The following CDH7 variants were observed in gnomAD, a reference collection of about 807,000 sequenced individuals.
CDH7 encodes cadherin 7.
CDH7 carries 25 observed loss-of-function variants against 71.8 expected under a neutral mutation model. The ratio of observed to expected loss-of-function variants is 0.35; its 90% CI spans 0.25 to 0.49. The LOEUF is 0.49. Among genes scored for constraint, CDH7 ranks in the 20% least tolerant of loss-of-function variants. CDH7 has a pLI of 0.99. For synonymous variants in CDH7, 381 were observed against 363.8 expected (o/e 1.05, Z -0.54); for missense variants, 862 against 974.6 (o/e 0.88, Z 1.54).
At chr18:65,834,145 A>C (rs891611322) in intron 6 of CDH7, among the ~76,000 whole-genome samples, 1 of 152,218 alleles carries the variant, frequency 6.6e-6, no homozygotes, top group African/African-American at 2.4e-5. Context: ...ATAATTGTAT[A>C]AGGAAGGTTA....
chr18:65,765,593 C>T (rs1226122815), intron 2 of CDH7, among the ~76,000 whole-genome samples: 2 of 151,590 alleles, frequency 1.3e-5, no homozygotes, highest in African/African-American at 2.4e-5. Context: ...AAAAAAAGAA[C>T]CTAATTAATC....
intron 2 of CDH7, among the ~76,000 whole-genome samples, chr18:65,785,984 G>A (rs565552010): frequency 2.6e-5 from 4 of 152,244 alleles, no homozygotes; most frequent in African/African-American, 4.8e-5. Flanking sequence ...TTGCACCTGC[G>A]TGTTTCCCGT....
chr18:65,875,686 A>G (rs1301459507), intron 11 of CDH7, among the ~76,000 whole-genome samples: 1 of 152,184 alleles, frequency 6.6e-6, no homozygotes, highest in Non-Finnish European at 1.5e-5. Flanking sequence ...TAAGGAGCTC[A>G]AGACCAGCCT....
chr18:65,837,608 A>T (rs183548619), intron 6 of CDH7, among the ~76,000 whole-genome samples: 185 of 152,250 alleles, frequency 1.2e-3, no homozygotes, highest in African/African-American at 4.4e-3. Context: ...TTTACATATT[A>T]AAAGGGCAGA....
chr18:65,845,269 T>C (rs1912896806), intron 7 of CDH7, among the ~76,000 whole-genome samples: 1 of 149,806 alleles, frequency 6.7e-6, no homozygotes. Context: ...AGAAAAATAG[T>C]TATTTAAAAA....
chr18:65,879,441 T>G (rs990460667), intron 11 of CDH7, among the ~76,000 whole-genome samples: 1 of 152,206 alleles, frequency 6.6e-6, no homozygotes, highest in Non-Finnish European at 1.5e-5. Context: ...TTCATTACTT[T>G]ACATATTTTT....
In CDH7 at chr18:65,884,315, G is replaced by A. The variant is rs1568237525; in HGVS notation, c.*3421G>A. The A allele has an allele frequency of 6.6e-6, 1 of 152,086 alleles. No individual in the cohort carries two copies. The highest frequency in any genetic ancestry group is 2.4e-5 in the African/African-American group (1 of 41,426). The allele number at this position is 152,086 out of a possible 1,614,324, so 9.4% of individuals were successfully genotyped here. On this transcript the variant is annotated 3_prime_UTR_variant, in exon 12 of 12. Transcript: ENST00000397968. ...GAAAGAGACATCAATAAAAAATTAG[G>A]TAGTAATTTGCAGGCAATAAGTAGA...
intron 7 of CDH7, among the ~76,000 whole-genome samples, chr18:65,851,919 G>A (rs1279334790): frequency 6.6e-6 from 1 of 152,158 alleles, no homozygotes; most frequent in East Asian, 1.9e-4. Flanking sequence ...CACACACCAT[G>A]CAGGTTTTCT....
chr18:65,774,237 A>G (rs961130824), intron 2 of CDH7, among the ~76,000 whole-genome samples: 2 of 152,024 alleles, frequency 1.3e-5, no homozygotes, highest in Non-Finnish European at 2.9e-5. Context: ...GAGGAAAACA[A>G]TCTAAGAAAA....
chr18:65,819,150 A>G (rs1911827226), intron 4 of CDH7, among the ~76,000 whole-genome samples: 1 of 152,136 alleles, frequency 6.6e-6, no homozygotes, highest in Admixed American at 6.5e-5. Context: ...CTATGGCAAC[A>G]ACTTGGAAGT....
At chr18:65,789,529 A>G (rs746568630) in intron 2 of CDH7, among the ~76,000 whole-genome samples, 1 of 151,700 alleles carries the variant, frequency 6.6e-6, no homozygotes, top group Non-Finnish European at 1.5e-5. Flanking sequence ...GCCAATTTGC[A>G]TTTTAGAAAC....
intron 4 of CDH7, among the ~76,000 whole-genome samples, 181 bp downstream of exon 4, chr18:65,814,785 T>C (rs1911666545): frequency 6.6e-6 from 1 of 152,208 alleles, no homozygotes; most frequent in Admixed American, 6.5e-5. Context: ...TATTTTATTT[T>C]ATTCATCAGT....
intron 1 of CDH7, among the ~76,000 whole-genome samples, chr18:65,760,337 C>A (rs1403709003): frequency 6.6e-6 from 1 of 152,036 alleles, no homozygotes; most frequent in African/African-American, 2.4e-5. Flanking sequence ...ACATGACTGA[C>A]CCAGAATTTG....
rs576735271 is a variant in CDH7 at position 65,883,821 on chromosome 18, A to G, written c.*2927A>G. On this transcript the variant is annotated 3_prime_UTR_variant, in exon 12 of 12. Coordinates refer to ENST00000397968, the MANE Select transcript of CDH7 (RefSeq NM_004361.5). ...TAAAATAATGACATGAAAGGAATTT[A>G]TGCTATATTTTACTACTAAATAACA... 1.1e-4 allele frequency: 17 copies of G among 152,270 alleles called. No individual in the cohort carries two copies. Among genetic ancestry groups the G allele is most frequent in the African/African-American group, 3.6e-4 (15 of 41,590 alleles). 9.4% of individuals were successfully genotyped at this position (152,270 alleles called of 1,614,324 possible).
intron 7 of CDH7, among the ~76,000 whole-genome samples, chr18:65,851,758 A>G (rs571569894): frequency 6.6e-6 from 1 of 152,350 alleles, no homozygotes; most frequent in East Asian, 1.9e-4. Context: ...TTTCTCATTG[A>G]ACAAATGAAG....
At chr18:65,856,949 T>C (rs975614029) in intron 7 of CDH7, among the ~76,000 whole-genome samples, 50 of 151,472 alleles carry the variant, frequency 3.3e-4, no homozygotes, top group African/African-American at 1.2e-3. Context: ...AAAATAGCCA[T>C]GCAATCTCAG....
rs1244082101 is a variant in CDH7 at position 65,878,199 on chromosome 18, G to A, written c.1865-2202G>A. Among the ~76,000 whole-genome samples, 5 of 152,024 alleles carry A rather than the reference G, an allele frequency of 3.3e-5. No individual in the cohort carries two copies. In the East Asian group the frequency reaches 9.6e-4, roughly 29 times the overall value. On this transcript the variant is annotated intron_variant, in intron 11 of 11. Coordinates refer to ENST00000397968, the MANE Select transcript of CDH7 (RefSeq NM_004361.5). ...TTCCCATTTAATCTTTGGTACATAT[G>A]CCTAGCCATATATGGTACACTTTCT...
In CDH7 at chr18:65,804,903, A is replaced by G. The variant is rs144039508; in HGVS notation, c.211-4801A>G. 2.0e-5 allele frequency among the ~76,000 whole-genome samples: 3 copies of G among 152,234 alleles called. No individual in the cohort carries two copies. In the East Asian group the frequency reaches 5.8e-4, roughly 29 times the overall value. ...ATGAGCAACAAAGCAAGGCATCTGAACTCCATCTAAGTGGTTCAGAGGATT... is the reference window on the plus strand; with the variant it reads ...ATGAGCAACAAAGCAAGGCATCTGAGCTCCATCTAAGTGGTTCAGAGGATT... On this transcript the variant is annotated intron_variant, in intron 2 of 11. Transcript: ENST00000397968.
At chr18:65,879,872 C>T (rs1051720788) in intron 11 of CDH7, among the ~76,000 whole-genome samples, 14 of 152,118 alleles carry the variant, frequency 9.2e-5, no homozygotes, top group African/African-American at 3.1e-4. Context: ...AGCTTTTAAT[C>T]TTTGTAAATG....
Sources: gnomAD v4.1 joint callset for allele counts (sites outside exome capture counted in the v4.1 genomes callset) on GRCh38, gnomAD v4.1.1 for gene constraint, MANE v1.5 for transcripts, NCBI Gene and HGNC (gene_info 2026-07-23, HGNC 2026-07-21) for gene names.